The following PTPRT variants were observed in gnomAD, a reference collection of about 807,000 sequenced individuals.
PTPRT encodes protein tyrosine phosphatase receptor type T, also known as receptor-type tyrosine-protein phosphatase T.
In PTPRT, 56 loss-of-function variants were observed where a neutral mutation model predicts 176.8. That is an observed-to-expected ratio of 0.32 (90% CI 0.26 to 0.40). The LOEUF is 0.40. PTPRT is among the 10% of genes least tolerant of loss of function. The probability of loss-of-function intolerance (pLI) is 1.00; values close to 1 mark genes in which losing one functional copy is unlikely to be tolerated. For synonymous variants in PTPRT, 783 were observed against 739.0 expected (o/e 1.06, Z -0.96); for missense variants, 1,540 against 1,908.2 (o/e 0.81, Z 3.60).
Position 42,181,515 on chromosome 20 carries a change from C to T in PTPRT, c.2491+17725G>A, listed in dbSNP as rs373859167. Among the ~76,000 whole-genome samples, 21 of 152,288 alleles carry T rather than the reference C, an allele frequency of 1.4e-4. No individual in the cohort carries two copies. In the East Asian group the frequency reaches 2.3e-3, roughly 17 times the overall value. ...CTAGTGCAATGGTCCCCTCCCTTGT[C>T]CTCCTCCCTCAACCTTCCTCTATGG... is the stretch of plus-strand genomic sequence containing the variant. On this transcript the variant is annotated intron_variant, in intron 16 of 30. Coordinates refer to ENST00000373187, the MANE Select transcript of PTPRT (RefSeq NM_007050.6).
intron 5 of PTPRT, among the ~76,000 whole-genome samples, chr20:42,757,689 A>T (rs550287476): frequency 6.6e-6 from 1 of 152,354 alleles, no homozygotes; most frequent in South Asian, 2.1e-4. Flanking sequence ...GTTCATCTTT[A>T]GAAGCTTGTC....
chr20:42,451,680 C>T (rs2070830893), intron 8 of PTPRT, among the ~76,000 whole-genome samples: 1 of 152,112 alleles, frequency 6.6e-6, no homozygotes, highest in Non-Finnish European at 1.5e-5. Context: ...AGGTACTGGT[C>T]AGCAGTCACA....
intron 1 of PTPRT, among the ~76,000 whole-genome samples, chr20:43,174,061 A>G (rs1202608999): frequency 6.6e-6 from 1 of 152,242 alleles, no homozygotes; most frequent in African/African-American, 2.4e-5. Flanking sequence ...CCCCAAAGAC[A>G]TGCTCATTGA....
chr20:42,633,873 A>T lies in PTPRT; in HGVS notation c.1153+43993T>A, dbSNP rs2074479841. On this transcript the variant is annotated intron_variant, in intron 7 of 30. Transcript: ENST00000373187. ...AATTTATTATATATAATTATCTATA[A>T]TATATTATAATATAATTATTATATA... Among the ~76,000 whole-genome samples the T allele has an allele frequency of 5.9e-5, 5 of 84,104 alleles. No homozygotes were observed. The South Asian group carries it at 1.4e-3, about 24-fold the overall frequency. The allele number at this position is 84,104 out of a possible 152,430, so 55.2% of individuals were successfully genotyped here.
At chr20:42,594,587 A>G (rs1401421235) in intron 7 of PTPRT, among the ~76,000 whole-genome samples, 1 of 152,120 alleles carries the variant, frequency 6.6e-6, no homozygotes, top group African/African-American at 2.4e-5. Context: ...GGGAAATCAG[A>G]TTTTGCCTGA....
intron 1 of PTPRT, among the ~76,000 whole-genome samples, chr20:43,051,323 A>T (rs2146233057): frequency 6.6e-6 from 1 of 152,330 alleles, no homozygotes; most frequent in East Asian, 1.9e-4. Flanking sequence ...AAGATTAAAT[A>T]AGTCCCAGTT....
chr20:42,964,919 T>A (rs1600601222), intron 1 of PTPRT, among the ~76,000 whole-genome samples: 1 of 152,224 alleles, frequency 6.6e-6, no homozygotes, highest in East Asian at 1.9e-4. Context: ...CCAAACTGTA[T>A]TTGATTAGAA....
intron 1 of PTPRT, among the ~76,000 whole-genome samples, chr20:43,161,637 C>T (rs1246560785): frequency 1.3e-5 from 2 of 152,180 alleles, no homozygotes; most frequent in Non-Finnish European, 2.9e-5. Flanking sequence ...CAAACTTCCT[C>T]TCCAGAATCC....
At chr20:42,790,144 T>C (rs1186284769) in intron 3 of PTPRT, among the ~76,000 whole-genome samples, 1 of 152,014 alleles carries the variant, frequency 6.6e-6, no homozygotes, top group Admixed American at 6.6e-5. Flanking sequence ...CACAATTCAA[T>C]AGGTTTTCTT....
At chr20:42,852,458 T>C (rs1453566403) in intron 2 of PTPRT, among the ~76,000 whole-genome samples, 5 of 152,204 alleles carry the variant, frequency 3.3e-5, no homozygotes, top group Non-Finnish European at 7.4e-5. Flanking sequence ...CCTGCTAATT[T>C]TTTTTTAGAA....
At chr20:42,234,094 G>C (rs963900717) in intron 15 of PTPRT, among the ~76,000 whole-genome samples, 1 of 152,114 alleles carries the variant, frequency 6.6e-6, no homozygotes, top group Non-Finnish European at 1.5e-5. Flanking sequence ...CACATCTGCT[G>C]TGAAACATGC....
At chr20:42,427,446 G>C (rs1488891641) in intron 9 of PTPRT, among the ~76,000 whole-genome samples, 1 of 152,164 alleles carries the variant, frequency 6.6e-6, no homozygotes, top group Non-Finnish European at 1.5e-5. Context: ...TTGAGGTTGG[G>C]AAATCCACGA....
rs528760026 is a variant in PTPRT at position 42,366,229 on chromosome 20, C to G, written c.1561-13944G>C. Reference sequence around the variant, plus strand: ...TGAGGGTAGCCCAGGTCCCCTGACACCCAAACCAAGCCTCTCTTCCCTCCC... The same window carrying G: ...TGAGGGTAGCCCAGGTCCCCTGACAGCCAAACCAAGCCTCTCTTCCCTCCC... On this transcript the variant is annotated intron_variant, in intron 9 of 30. Transcript: ENST00000373187. 2.8e-4 allele frequency among the ~76,000 whole-genome samples: 42 copies of G among 152,332 alleles called. No homozygotes were observed. In the East Asian group the frequency reaches 8.1e-3, roughly 29 times the overall value.
intron 7 of PTPRT, among the ~76,000 whole-genome samples, chr20:42,539,898 G>T (rs917714711): frequency 2.0e-5 from 3 of 151,836 alleles, no homozygotes; most frequent in African/African-American, 4.8e-5. Context: ...AAAAGTGTGG[G>T]TATTACAGAA....
chr20:42,383,886 GAA>G (rs996637642), intron 9 of PTPRT, among the ~76,000 whole-genome samples: 13 of 152,174 alleles, frequency 8.5e-5, no homozygotes, highest in African/African-American at 3.1e-4. Context: ...CTCCAGAAGA[GAA>G]AAAGTTATTG....
At chr20:42,141,801 G>A in intron 18 of PTPRT, 114 bp downstream of exon 18, 2 of 1,011,808 alleles carry the variant, frequency 2.0e-6, no homozygotes, top group Non-Finnish European at 3.1e-6. Flanking sequence ...TAGATACAAA[G>A]CTAGAGACAG....
chr20:42,348,494 A>G (rs1285838273), intron 11 of PTPRT, among the ~76,000 whole-genome samples: 1 of 152,070 alleles, frequency 6.6e-6, no homozygotes, highest in Non-Finnish European at 1.5e-5. Flanking sequence ...GCTTTAGGTC[A>G]TTTGAACTAA....
At chr20:42,741,140 A>G (rs752416657) in intron 6 of PTPRT, among the ~76,000 whole-genome samples, 5 of 152,176 alleles carry the variant, frequency 3.3e-5, no homozygotes, top group African/African-American at 4.8e-5. Context: ...GTCAGAAGTG[A>G]CCATAGAAGA....
intron 2 of PTPRT, among the ~76,000 whole-genome samples, chr20:42,792,916 T>C (rs1374394800): frequency 1.1e-4 from 17 of 151,410 alleles, no homozygotes; most frequent in Admixed American, 1.1e-3. Flanking sequence ...GAGAGAGGAG[T>C]TCAAAACCTC....
Sources: allele counts gnomAD v4.1 joint callset (sites outside exome capture counted in the v4.1 genomes callset), GRCh38; gene constraint gnomAD v4.1.1; transcripts MANE v1.5; gene names NCBI Gene and HGNC (gene_info 2026-07-23, HGNC 2026-07-21).